Variants in KLHL29 observed in about 807,000 individuals in gnomAD.
KLHL29 encodes the protein kelch-like protein 29.
KLHL29 carries 21 observed loss-of-function variants against 80.4 expected under a neutral mutation model. The observed-to-expected ratio is 0.26, with a 90% confidence interval of 0.19 to 0.38. The LOEUF (loss-of-function observed/expected upper bound fraction) is 0.38, where lower values mean the gene tolerates loss of function less well. Among genes scored for constraint, KLHL29 ranks in the 10% least tolerant of loss-of-function variants. The pLI, the probability that KLHL29 is intolerant of heterozygous loss-of-function variation, is 1.00. For synonymous variants in KLHL29, 511 were observed against 526.8 expected, an observed-to-expected ratio of 0.97 and a Z score of 0.41; for missense variants, 867 against 1,223.9, an observed-to-expected ratio of 0.71 and a Z score of 4.35.
intron 1 of KLHL29, among the ~76,000 whole-genome samples, chr2:23,434,978 C>T (rs1286231854): frequency 6.6e-6 from 1 of 152,214 alleles, no homozygotes; most frequent in East Asian, 1.9e-4. Flanking sequence ...GCTGAGGAAA[C>T]TGATGTCATT....
chr2:23,451,274 T>C (rs1038379006), intron 1 of KLHL29, among the ~76,000 whole-genome samples: 11 of 152,158 alleles, frequency 7.2e-5, no homozygotes, highest in African/African-American at 2.7e-4. Context: ...GGTAAATCCA[T>C]GTAAAGGCTG....
At chr2:23,604,444 C>T (rs1184125535) in intron 3 of KLHL29, among the ~76,000 whole-genome samples, 2 of 152,130 alleles carry the variant, frequency 1.3e-5, no homozygotes, top group East Asian at 1.9e-4. Context: ...TGCTGGTTAC[C>T]GGGCTTGCTA....
intron 5 of KLHL29, among the ~76,000 whole-genome samples, chr2:23,665,433 G>C (rs1376539706): frequency 5.3e-5 from 8 of 152,176 alleles, no homozygotes; most frequent in Middle Eastern, 3.2e-3. Flanking sequence ...TGAAGGGTTT[G>C]ACACCCCTCT....
At chr2:23,577,504 C>T (rs4665613) in intron 3 of KLHL29, among the ~76,000 whole-genome samples, 117,286 of 151,490 alleles carry the variant, frequency 0.77, 45,988 homozygotes, top group East Asian at 1. Flanking sequence ...CTCAACACTT[C>T]GGGAGGCTGA....
intron 3 of KLHL29, among the ~76,000 whole-genome samples, chr2:23,595,322 C>T (rs763910926): frequency 3.4e-4 from 51 of 152,176 alleles, no homozygotes; most frequent in Non-Finnish European, 6.6e-4. Flanking sequence ...CTACCAAAGC[C>T]AGCATTTTTG....
intron 1 of KLHL29, among the ~76,000 whole-genome samples, chr2:23,401,986 T>C (rs1258155868): frequency 6.6e-6 from 1 of 152,216 alleles, no homozygotes; most frequent in Non-Finnish European, 1.5e-5. Context: ...TTATATTCTG[T>C]TGTTGATTTT....
chr2:23,529,053 C>T (rs899876103), intron 2 of KLHL29, among the ~76,000 whole-genome samples: 3 of 152,220 alleles, frequency 2.0e-5, no homozygotes, highest in Non-Finnish European at 4.4e-5. Context: ...TGATGCTGAG[C>T]CACCCTCTAA....
intron 1 of KLHL29, among the ~76,000 whole-genome samples, chr2:23,421,964 T>A (rs937654001): frequency 2.4e-4 from 35 of 146,764 alleles, no homozygotes; most frequent in Admixed American, 5.4e-4. Context: ...TCTGTGTGTG[T>A]CATATGTTGT....
At chr2:23,657,167 G>T (rs113222761) in intron 5 of KLHL29, among the ~76,000 whole-genome samples, 2,196 of 152,100 alleles carry the variant, frequency 0.014, 19 homozygotes, top group Non-Finnish European at 0.023. Context: ...GCTCTTCCTG[G>T]GCCGAATGAA....
At chr2:23,395,483 AC>A (rs1666427876) in intron 1 of KLHL29, among the ~76,000 whole-genome samples, 1 of 152,178 alleles carries the variant, frequency 6.6e-6, no homozygotes, top group Non-Finnish European at 1.5e-5. Context: ...ATGGTGGCTC[AC>A]GCCTGTGATC....
intron 1 of KLHL29, among the ~76,000 whole-genome samples, chr2:23,452,912 C>CCACACA (rs1553325471): frequency 6.7e-6 from 1 of 150,268 alleles, no homozygotes; most frequent in African/African-American, 2.4e-5. Flanking sequence ...ACCCCCCCGC[C>CCACACA]CACACACACA....
intron 2 of KLHL29, among the ~76,000 whole-genome samples, chr2:23,489,200 A>G (rs964705840): frequency 1.3e-5 from 2 of 152,170 alleles, no homozygotes; most frequent in Non-Finnish European, 2.9e-5. Context: ...CTGTGGGTCC[A>G]CTTGGAAGGT....
chr2:23,405,593 T>C (rs1366685912), intron 1 of KLHL29, among the ~76,000 whole-genome samples: 1 of 152,170 alleles, frequency 6.6e-6, no homozygotes, highest in African/African-American at 2.4e-5. Flanking sequence ...GATGACATTG[T>C]CCATGCCTTC....
chr2:23,517,121 C>T (rs1415303619), intron 2 of KLHL29, among the ~76,000 whole-genome samples: 1 of 152,194 alleles, frequency 6.6e-6, no homozygotes, highest in African/African-American at 2.4e-5. Context: ...TCCCTGTGCC[C>T]GCTGTGGACG....
At chr2:23,431,465 C>T (rs1043352935) in intron 1 of KLHL29, among the ~76,000 whole-genome samples, 15 of 152,378 alleles carry the variant, frequency 9.8e-5, no homozygotes, top group African/African-American at 3.4e-4. Context: ...TGCCGTCTCC[C>T]GTTCCGGGAC....
At chr2:23,634,081 G>T (rs1023274220) in intron 3 of KLHL29, among the ~76,000 whole-genome samples, 5 of 152,126 alleles carry the variant, frequency 3.3e-5, no homozygotes, top group Admixed American at 3.3e-4. Flanking sequence ...CATTCTGCTG[G>T]TTGTAAGTTC....
Position 23,423,948 on chromosome 2 carries a change from T to C in KLHL29, c.-154+38168T>C, listed in dbSNP as rs189769284. On this transcript the variant is annotated intron_variant, in intron 1 of 13. Transcript: ENST00000486442. ...TCTCCCCGACCCCATTCACCATCCT[T>C]AGTGGCTTCGCTGGAGCATCCGCTC... Among the ~76,000 whole-genome samples, 167 of 152,260 alleles carry C rather than the reference T, an allele frequency of 1.1e-3. 1 individual carries two copies. Among genetic ancestry groups the C allele is most frequent in the Admixed American group, 0.01 (153 of 15,288 alleles).
At chr2:23,485,301 C>A (rs538381277) in intron 2 of KLHL29, among the ~76,000 whole-genome samples, 4 of 152,324 alleles carry the variant, frequency 2.6e-5, no homozygotes, top group African/African-American at 9.6e-5. Flanking sequence ...AGTCACAAAG[C>A]CTGGCACAAA....
intron 2 of KLHL29, among the ~76,000 whole-genome samples, chr2:23,487,485 A>C (rs1056148466): frequency 3.9e-5 from 6 of 152,144 alleles, no homozygotes; most frequent in African/African-American, 1.4e-4. Context: ...TTCTTTGCTC[A>C]GATTCTGGGA....
Sources: gnomAD v4.1 joint callset for allele counts (sites outside exome capture counted in the v4.1 genomes callset) on GRCh38, gnomAD v4.1.1 for gene constraint, MANE v1.5 for transcripts, NCBI Gene and HGNC (gene_info 2026-07-23, HGNC 2026-07-21) for gene names.